The following STARD9 variants were observed in gnomAD, a reference collection of about 807,000 sequenced individuals.
STARD9 encodes stAR-related lipid transfer protein 9.
In STARD9, 346 loss-of-function variants were observed where a neutral mutation model predicts 399.8. The ratio of observed to expected loss-of-function variants is 0.87; its 90% CI spans 0.79 to 0.95. The LOEUF (loss-of-function observed/expected upper bound fraction) is 0.95. Ranked by LOEUF, STARD9 falls within the 40% of genes least tolerant of loss-of-function variation. STARD9 has a pLI of 0.00. For synonymous variants in STARD9, 2,203 were observed against 2,143.5 expected, an observed-to-expected ratio of 1.03 and a Z score of -0.77; for missense variants, 5,832 against 5,667.5, an observed-to-expected ratio of 1.03 and a Z score of -0.93.
chr15:42,707,287 C>A (rs548322285), intron 26 of STARD9, among the ~76,000 whole-genome samples: 3 of 152,218 alleles, frequency 2.0e-5, no homozygotes, highest in African/African-American at 7.2e-5. Context: ...TATGAGAGAA[C>A]ATGTAAGGAA....
intron 7 of STARD9, among the ~76,000 whole-genome samples, chr15:42,643,109 A>T (rs2059573681): frequency 6.6e-6 from 1 of 152,130 alleles, no homozygotes; most frequent in African/African-American, 2.4e-5. Flanking sequence ...AGAAAAAATT[A>T]AAGGAATATC....
intron 3 of STARD9, among the ~76,000 whole-genome samples, chr15:42,593,914 C>T (rs1441836930): frequency 1.3e-5 from 2 of 151,772 alleles, no homozygotes; most frequent in African/African-American, 4.8e-5. Context: ...ATGATCCGCC[C>T]GCCTCGGCCT....
At chr15:42,626,732 G>A (rs1249444710) in intron 3 of STARD9, among the ~76,000 whole-genome samples, 5 of 149,798 alleles carry the variant, frequency 3.3e-5, no homozygotes, top group South Asian at 2.1e-4. Context: ...GGCTGGTCTC[G>A]AACTCCTGAC....
intron 3 of STARD9, among the ~76,000 whole-genome samples, chr15:42,592,069 A>T (rs2058407104): frequency 6.6e-6 from 1 of 152,148 alleles, no homozygotes; most frequent in South Asian, 2.1e-4. Context: ...CATTTAGCCT[A>T]CTAGTGATCT....
chr15:42,675,394 G>A (rs1211244898), intron 18 of STARD9: 1 of 500,038 alleles, frequency 2.0e-6, no homozygotes, highest in Non-Finnish European at 3.6e-6. Flanking sequence ...TTGAGACTGA[G>A]CTGAGATTCC....
chr15:42,712,096 T>TATATATAAAATATAA (rs1566966126), intron 26 of STARD9, among the ~76,000 whole-genome samples: 3 of 506 alleles, frequency 5.9e-3, no homozygotes, highest in African/African-American at 0.011. Flanking sequence ...TATATATATA[T>TATATATAAAATATAA]AATATATAAT....
chr15:42,674,123 C>A (rs1031306600), intron 16 of STARD9, among the ~76,000 whole-genome samples: 1 of 152,228 alleles, frequency 6.6e-6, no homozygotes, highest in Non-Finnish European at 1.5e-5. Context: ...ATGGCTGTAA[C>A]TATTCCCTAA....
chr15:42,654,568 A>G (rs368323062), intron 9 of STARD9, among the ~76,000 whole-genome samples: 8 of 152,328 alleles, frequency 5.3e-5, no homozygotes, highest in African/African-American at 1.9e-4. Context: ...GAACTGGTAA[A>G]TGAATTCAGC....
rs1328530133 is a variant in STARD9, at chr15:42,694,125, A to G, written c.12547A>G (p.Asn4183Asp). 1 of 1,536,728 alleles carries G rather than the reference A, an allele frequency of 6.5e-7. No individual in the cohort carries two copies. Among genetic ancestry groups the G allele is most frequent in the African/African-American group, 1.4e-5 (1 of 73,024 alleles). ...KQEQSPPQPPNDHSQDSEWSK... is the reference protein window; with the variant it reads ...KQEQSPPQPPDDHSQDSEWSK... ...GGAACAGAGTCCCCCACAACCTCCT[A>G]ATGACCACAGCCAGGATTCTGAGTG... Residue 4183 changes from asparagine (N) to aspartate (D), a missense_variant, in exon 23 of 33, where the codon AAT (asparagine) becomes GAT (aspartate). Physicochemically the swap from Asn to Asp is conservative, Grantham distance 23. Around this residue, in one of 2 missense-constraint regions of STARD9, gnomAD observed 5,828 missense variants for 5,651.1 expected, o/e 1.03. Transcript: ENST00000290607.
At chr15:42,659,110 C>T (rs920199098) in intron 9 of STARD9, among the ~76,000 whole-genome samples, 6 of 151,212 alleles carry the variant, frequency 4.0e-5, no homozygotes, top group Admixed American at 2.0e-4. Context: ...AAGACTCCCT[C>T]GAAAGAAAGA....
chr15:42,687,510 A>G lies in STARD9; in HGVS notation c.5932A>G (p.Thr1978Ala). Residue 1978 changes from threonine to alanine, a missense_variant, in exon 23 of 33, where the codon ACT becomes GCT. Transcript: ENST00000290607. ...CCCTAAGTGGGAAGGGAAAAATGAA[A>G]CTGGGCTTCTTGAAAAAGGTCTTCG... is the stretch of plus-strand genomic sequence containing the variant. ...PTPKWEGKNE[T>A]GLLEKGLRPK... The G allele has an allele frequency of 3.9e-6, 6 of 1,537,128 alleles. No homozygotes were observed. Among genetic ancestry groups the G allele is most frequent in the South Asian group, 1.2e-5 (1 of 84,062 alleles).
In STARD9 at chr15:42,583,372, T is replaced by C; in HGVS notation, c.74T>C (p.Ile25Thr). 1 of 1,537,206 alleles carries C rather than the reference T, an allele frequency of 6.5e-7. No homozygotes were observed. Among genetic ancestry groups the C allele is most frequent in the Non-Finnish European group, 8.7e-7 (1 of 1,146,774 alleles). ...GAGACCAAAGAAGGGGGAAGAATTA[T>C]TGTGGAAGTTGATGGCAAAGTGGCA... ...KRETKEGGRI[I>T]VEVDGKVAKI... Residue 25 changes from isoleucine to threonine, a missense_variant, in exon 2 of 33, where the codon ATT becomes ACT. Transcript: ENST00000290607.
chr15:42,689,378 C>A lies in STARD9; in HGVS notation c.7800C>A (p.Asp2600Glu). 6.5e-7 allele frequency: 1 copy of A among 1,537,290 alleles called. No homozygotes were observed. Among genetic ancestry groups the A allele is most frequent in the Non-Finnish European group, 8.7e-7 (1 of 1,146,910 alleles). ...GCAGGCCTCAGTGTAAACAAATAGA[C>A]CAGTCATCATCAGACCAGACCAGGA... ...VAGRPQCKQI[D>E]QSSSDQTRNE... Residue 2600 changes from aspartate (D) to glutamate (E), a missense_variant, in exon 23 of 33, where the codon GAC becomes GAA. Transcript: ENST00000290607.
At position 42,690,454 on chromosome 15, in the gene STARD9, C is replaced by T. The variant is rs542988639; in HGVS notation, c.8876C>T (p.Ser2959Phe). 2.0e-6 allele frequency: 3 copies of T among 1,537,238 alleles called. No individual in the cohort carries two copies. Among genetic ancestry groups the T allele is most frequent in the South Asian group, 2.4e-5 (2 of 84,056 alleles). ...RTLPCRQPCS[S>F]QPVATHAYSS... The stretch of plus-strand genomic sequence containing the variant: ...CTTCCTTGCCGACAGCCATGCAGTT[C>T]TCAACCTGTTGCTACTCATGCTTAT... Residue 2959 changes from serine to phenylalanine, a missense_variant, in exon 23 of 33, where the codon TCT becomes TTT. Coordinates refer to ENST00000290607, the MANE Select transcript of STARD9 (RefSeq NM_020759.3).
Position 42,695,234 on chromosome 15 carries a change from G to C in STARD9, c.13057G>C (p.Glu4353Gln). ...GCAGGCCCATGAGGAGGCCAAGGTGGAGATTGCCCGGGCCCGAGACCAACT... is the reference window on the plus strand; with the variant it reads ...GCAGGCCCATGAGGAGGCCAAGGTGCAGATTGCCCGGGCCCGAGACCAACT... ...YQQAHEEAKVEIARARDQLRE... is the reference protein window; with the variant it reads ...YQQAHEEAKVQIARARDQLRE... Residue 4353 changes from glutamate (E) to glutamine (Q), a missense_variant, in exon 25 of 33, where the codon GAG (glutamate) becomes CAG (glutamine). Physicochemically the swap from Glu to Gln is conservative, Grantham distance 29. Coordinates refer to ENST00000290607, the MANE Select transcript of STARD9 (RefSeq NM_020759.3). 6.5e-7 allele frequency: 1 copy of C among 1,537,172 alleles called. No homozygotes were observed.
rs1338391882 is a variant in STARD9, at chr15:42,691,806, C to T, written c.10228C>T (p.Pro3410Ser). ...GCCTGCCACCCCTCCTTATCCAATG[C>T]CTTCCACTCTCTCACACATGCCAAC... ...LKPATPPYPM[P>S]STLSHMPTPD... Residue 3410 changes from proline (P) to serine (S), a missense_variant, in exon 23 of 33, where the codon CCT becomes TCT. Pro to Ser is a moderately conservative substitution (Grantham distance 74). Coordinates refer to ENST00000290607, the MANE Select transcript of STARD9 (RefSeq NM_020759.3). The T allele has an allele frequency of 4.6e-6, 7 of 1,537,148 alleles. No individual in the cohort carries two copies. The African/African-American group carries it at 6.8e-5, about 15-fold the overall frequency.
At position 42,694,562 on chromosome 15, in the gene STARD9, C is replaced by T. The variant is rs373491348; in HGVS notation, c.12799C>T (p.Arg4267Trp). Residue 4267 changes from arginine (R) to tryptophan (W), a missense_variant, in exon 24 of 33, where the codon CGG (arginine) becomes TGG (tryptophan). Arg to Trp is a moderately radical substitution (Grantham distance 101). Coordinates refer to ENST00000290607, the MANE Select transcript of STARD9 (RefSeq NM_020759.3). The part of the protein sequence containing the change: ...KKAIETLRRE[R>W]AERLGNFCRT... ...GGCCATTGAGACCCTCAGGAGAGAG[C>T]GGGCTGAGCGACTTGGGAACTTCTG... 1.0e-5 allele frequency: 16 copies of T among 1,537,040 alleles called. No individual in the cohort carries two copies. Among genetic ancestry groups the T allele is most frequent in the African/African-American group, 2.7e-5 (2 of 73,014 alleles).
At chr15:42,586,538 C>T (rs2058281245) in intron 3 of STARD9, among the ~76,000 whole-genome samples, 1 of 152,212 alleles carries the variant, frequency 6.6e-6, no homozygotes, top group Non-Finnish European at 1.5e-5. Context: ...CCATCATGGC[C>T]AGCAAGCCTT....
intron 26 of STARD9, among the ~76,000 whole-genome samples, chr15:42,699,396 T>C (rs866846793): frequency 2.9e-5 from 4 of 139,078 alleles, no homozygotes; most frequent in South Asian, 2.3e-4. Context: ...TCTTTTCTTT[T>C]TTTTTTTTTT....
Sources: allele counts gnomAD v4.1 joint callset (sites outside exome capture counted in the v4.1 genomes callset), GRCh38; gene constraint gnomAD v4.1.1; regional missense constraint gnomAD v4.1.1; transcripts MANE v1.5; gene names NCBI Gene and HGNC (gene_info 2026-07-23, HGNC 2026-07-21).